Variants in ELAVL2 observed in about 807,000 individuals in gnomAD.
ELAVL2 encodes ELAV like RNA binding protein 2, also known as ELAV-like protein 2.
Under a neutral mutation model 34.6 loss-of-function variants are expected in ELAVL2, and 4 were observed. The ratio of observed to expected loss-of-function variants is 0.12; its 90% confidence interval spans 0.06 to 0.26. The LOEUF is 0.26. ELAVL2 is among the 10% of genes least tolerant of loss of function. The pLI, the probability that ELAVL2 is intolerant of heterozygous loss-of-function variation, is 1.00. For missense variants in ELAVL2, 432 were observed against 442.8 expected (o/e 0.98, Z 0.22); for synonymous variants, 193 against 154.8 (o/e 1.25, Z -1.83).
At chr9:23,778,961 G>A (rs2058656394) in intron 1 of ELAVL2, among the ~76,000 whole-genome samples, 1 of 152,270 alleles carries the variant, frequency 6.6e-6, no homozygotes, top group Admixed American at 6.5e-5. Context: ...TGGGGGCTGA[G>A]TTTGAGACAG....
chr9:23,815,120 T>A (rs1191050585), intron 1 of ELAVL2, among the ~76,000 whole-genome samples: 1 of 152,162 alleles, frequency 6.6e-6, no homozygotes, highest in Non-Finnish European at 1.5e-5. Flanking sequence ...GGATCCTTGA[T>A]AAGAGGTTAA....
intron 2 of ELAVL2, among the ~76,000 whole-genome samples, chr9:23,739,803 A>ACC (rs200043373): frequency 1.3e-5 from 2 of 150,456 alleles, no homozygotes; most frequent in African/African-American, 4.9e-5. Context: ...ACACGCACAC[A>ACC]CCCCCCCCAC....
At chr9:23,840,401 T>A in the ELAVL2 span, among the ~76,000 whole-genome samples, 3 of 150,740 alleles carry the variant, frequency 2.0e-5, no homozygotes, top group South Asian at 6.4e-4. Context: ...AGCACATATG[T>A]GTATGAAAAG....
intron 2 of ELAVL2, among the ~76,000 whole-genome samples, chr9:23,760,237 G>C (rs922921675): frequency 6.6e-6 from 1 of 151,974 alleles, no homozygotes; most frequent in Admixed American, 6.6e-5. Context: ...TAATATGAAA[G>C]ATGTATGATT....
chr9:23,820,684 G>A (rs901580088), intron 1 of ELAVL2, among the ~76,000 whole-genome samples: 4 of 152,198 alleles, frequency 2.6e-5, no homozygotes, highest in Admixed American at 1.3e-4. Context: ...AGGAGCACCT[G>A]CCAGTGAACC....
At position 23,810,931 on chromosome 9, in the gene ELAVL2, G is replaced by T. The variant is rs189379977; in HGVS notation, c.-16+14875C>A. ...CACGTATTTTTCTATCTTCCTAATG[G>T]TAAGTCAACAACTAAAAAGTGGCAG... On this transcript the variant is annotated intron_variant, in intron 1 of 6. Coordinates refer to ENST00000397312, the MANE Select transcript of ELAVL2 (RefSeq NM_004432.5). Among the ~76,000 whole-genome samples, 5 of 152,198 alleles carry T rather than the reference G, an allele frequency of 3.3e-5. No individual in the cohort carries two copies. In the East Asian group the frequency reaches 9.6e-4, roughly 29 times the overall value.
intron 2 of ELAVL2, among the ~76,000 whole-genome samples, chr9:23,737,422 C>A (rs78250082): frequency 2.6e-5 from 4 of 152,118 alleles, no homozygotes; most frequent in African/African-American, 9.6e-5. Flanking sequence ...ATTGTTCATA[C>A]GAAAAATTTC....
chr9:23,715,176 T>C (rs1353539795), intron 3 of ELAVL2, among the ~76,000 whole-genome samples: 1 of 152,352 alleles, frequency 6.6e-6, no homozygotes, highest in East Asian at 1.9e-4. Context: ...GTTTTTCTTT[T>C]TTGAGGCAGA....
intron 1 of ELAVL2, among the ~76,000 whole-genome samples, chr9:23,780,709 C>T (rs1032177726): frequency 6.6e-6 from 1 of 152,142 alleles, no homozygotes; most frequent in Non-Finnish European, 1.5e-5. Flanking sequence ...CACTATTTTC[C>T]ATAACTAAAA....
intron 5 of ELAVL2, among the ~76,000 whole-genome samples, chr9:23,699,413 C>G (rs538793177): frequency 6.6e-6 from 1 of 151,970 alleles, no homozygotes; most frequent in Non-Finnish European, 1.5e-5. Flanking sequence ...TTGCTTCAAT[C>G]TGGAAAAAAA....
chr9:23,771,474 G>A (rs2057299650), intron 1 of ELAVL2, among the ~76,000 whole-genome samples: 1 of 151,786 alleles, frequency 6.6e-6, no homozygotes, highest in African/African-American at 2.4e-5. Flanking sequence ...CAAAAATTTT[G>A]ACTTTATAAA....
At chr9:23,715,079 T>C (rs576447547) in intron 3 of ELAVL2, among the ~76,000 whole-genome samples, 1 of 152,322 alleles carries the variant, frequency 6.6e-6, no homozygotes, top group South Asian at 2.1e-4. Flanking sequence ...CTAAGTCTTA[T>C]ATGATGCCTA....
intron 1 of ELAVL2, among the ~76,000 whole-genome samples, chr9:23,813,132 T>G (rs527330066): frequency 6.6e-6 from 1 of 152,198 alleles, no homozygotes; most frequent in Non-Finnish European, 1.5e-5. Flanking sequence ...CTCTCTGCTA[T>G]TCAAATTGTG....
At chr9:23,798,262 C>T (rs139820541) in intron 1 of ELAVL2, among the ~76,000 whole-genome samples, 1 of 152,306 alleles carries the variant, frequency 6.6e-6, no homozygotes, top group East Asian at 1.9e-4. Flanking sequence ...AAACAGGACC[C>T]TTTATTTGAT....
intron 4 of ELAVL2, among the ~76,000 whole-genome samples, chr9:23,703,824 T>C (rs1418576038): frequency 2.0e-5 from 3 of 152,234 alleles, no homozygotes; most frequent in East Asian, 1.9e-4. Flanking sequence ...CAAATCTTCA[T>C]GTGGCTGCTT....
At chr9:23,740,641 T>A (rs1208105980) in intron 2 of ELAVL2, among the ~76,000 whole-genome samples, 1 of 151,014 alleles carries the variant, frequency 6.6e-6, no homozygotes, top group African/African-American at 2.5e-5. Flanking sequence ...AGAGACTATC[T>A]GTGAAAGAAA....
intron 3 of ELAVL2, among the ~76,000 whole-genome samples, chr9:23,713,848 C>T (rs1463422143): frequency 2.0e-5 from 3 of 152,074 alleles, no homozygotes; most frequent in Admixed American, 2.0e-4. Flanking sequence ...AGAACCCTCC[C>T]ATGTTAAGGA....
chr9:23,745,112 G>A (rs2050184892), intron 2 of ELAVL2, among the ~76,000 whole-genome samples: 1 of 152,066 alleles, frequency 6.6e-6, no homozygotes, highest in South Asian at 2.1e-4. Context: ...GCCAAGGTGG[G>A]AAGATCACTT....
intron 3 of ELAVL2, among the ~76,000 whole-genome samples, chr9:23,714,704 C>T (rs1215861476): frequency 6.6e-6 from 1 of 152,104 alleles, no homozygotes; most frequent in Non-Finnish European, 1.5e-5. Context: ...CATGGAATAA[C>T]TTCTATCTTG....
Sources: gnomAD v4.1 joint callset for allele counts (sites outside exome capture counted in the v4.1 genomes callset) on GRCh38, gnomAD v4.1.1 for gene constraint, MANE v1.5 for transcripts, NCBI Gene and HGNC (gene_info 2026-07-23, HGNC 2026-07-21) for gene names.